Variants in CACTIN observed in about 807,000 individuals in gnomAD.
CACTIN encodes the protein splicing factor Cactin.
Under a neutral mutation model 84.9 loss-of-function variants are expected in CACTIN, and 20 were observed. The ratio of observed to expected loss-of-function variants is 0.24; its 90% CI spans 0.17 to 0.34. The LOEUF is 0.34. CACTIN is among the 10% of genes least tolerant of loss of function. The pLI, the probability that CACTIN is intolerant of heterozygous loss-of-function variation, is 1.00. For synonymous variants in CACTIN, 549 were observed against 467.9 expected (o/e 1.17, Z -2.24); for missense variants, 897 against 1,117.2 (o/e 0.80, Z 2.81).
Position 3,626,593 on chromosome 19 carries a change from C to T in CACTIN, c.167+3G>A. The T allele has an allele frequency of 6.8e-7, 1 of 1,462,000 alleles. No homozygotes were observed. 90.6% of individuals were successfully genotyped at this position (1,462,000 alleles called of 1,614,324 possible). A position where few individuals can be genotyped will look rare whatever the true frequency, so the allele number is the denominator to read the frequency against. On this transcript the variant is annotated splice_donor_region_variant and intron_variant, in intron 1 of 9. Coordinates refer to ENST00000429344, the MANE Select transcript of CACTIN (RefSeq NM_001080543.2). Reference sequence around the variant, plus strand: ...CCCAGCGCTGCTCCCGCAGCGACCCCACCTGCGCTCCCGGCTCCGCCGCCT... The same window carrying T: ...CCCAGCGCTGCTCCCGCAGCGACCCTACCTGCGCTCCCGGCTCCGCCGCCT...
intron 2 of CACTIN, chr19:3,621,164 G>C (rs1411677089): frequency 2.5e-6 from 1 of 395,020 alleles, no homozygotes; most frequent in Non-Finnish European, 4.8e-6. Context: ...CTTTACCCGG[G>C]AGTCTGAGTG....
chr19:3,625,084 G>C (rs943959923), intron 1 of CACTIN, among the ~76,000 whole-genome samples: 11 of 152,086 alleles, frequency 7.2e-5, no homozygotes, highest in African/African-American at 2.4e-4. Context: ...GTACAGAGGG[G>C]TCTTGCTATG....
In CACTIN at chr19:3,613,097, G is replaced by T; in HGVS notation, c.1747C>A (p.Gln583Lys). Residue 583 changes from glutamine (Q) to lysine (K), a missense_variant, in exon 9 of 10, where the codon CAG becomes AAG. By Grantham distance (53) the Gln-to-Lys change is moderately conservative. Coordinates refer to ENST00000429344, the MANE Select transcript of CACTIN (RefSeq NM_001080543.2). ...AHVLEPDEDL[Q>K]RLQLSRQQLQ... ...TGCTGGCGCGAGAGCTGCAGGCGCT[G>T]CAGGTCCTCATCCGGTTCCAGCACG... is the stretch of plus-strand genomic sequence containing the variant. 1 of 1,596,346 alleles carries T rather than the reference G, an allele frequency of 6.3e-7. No individual in the cohort carries two copies. Among genetic ancestry groups the T allele is most frequent in the Non-Finnish European group, 8.5e-7 (1 of 1,175,834 alleles).
chr19:3,611,870 G>C lies in CACTIN; in HGVS notation c.*53C>G. ...CCCCGGAGTGACCACCAGCTTCACC[G>C]AAGCCCCTTTACTGTGCCCCCGAGG... On this transcript the variant is annotated 3_prime_UTR_variant, in exon 10 of 10. Transcript: ENST00000429344. 1 of 1,593,542 alleles carries C rather than the reference G, an allele frequency of 6.3e-7. No individual in the cohort carries two copies. Among genetic ancestry groups the C allele is most frequent in the Non-Finnish European group, 8.5e-7 (1 of 1,173,602 alleles).
chr19:3,619,027 C>T, intron 5 of CACTIN, 38 bp from the exon 6 acceptor site: 1 of 1,548,690 alleles, frequency 6.5e-7, no homozygotes, highest in Non-Finnish European at 8.7e-7. Context: ...ACGGGTGTGG[C>T]TGGGGTGGGG....
intron 6 of CACTIN, among the ~76,000 whole-genome samples, chr19:3,616,903 C>G (rs867493236): frequency 1.1e-4 from 16 of 152,196 alleles, no homozygotes; most frequent in African/African-American, 2.9e-4. Flanking sequence ...GTGGGAGGAT[C>G]ATGAGGTCAA....
chr19:3,619,166 C>T lies in CACTIN; in HGVS notation c.961G>A (p.Asp321Asn), dbSNP rs763944157. ...LAKYISAEDD[D>N]LAVEMHEPYT... ...GGCTCATGCATCTCCACGGCCAGATCGTCATCCTCAGCGCTGATGTACTTG... is the reference window on the plus strand; with the variant it reads ...GGCTCATGCATCTCCACGGCCAGATTGTCATCCTCAGCGCTGATGTACTTG... Residue 321 changes from aspartate (D) to asparagine (N), a missense_variant, in exon 5 of 10, where the codon GAT becomes AAT. Asp to Asn is a conservative substitution (Grantham distance 23). Transcript: ENST00000429344. The T allele has an allele frequency of 9.3e-6, 15 of 1,612,294 alleles. No homozygotes were observed. Among genetic ancestry groups the T allele is most frequent in the East Asian group, 8.9e-5 (4 of 44,838 alleles).
chr19:3,624,899 A>G (rs1334227158), intron 1 of CACTIN, among the ~76,000 whole-genome samples: 1 of 152,070 alleles, frequency 6.6e-6, no homozygotes, highest in African/African-American at 2.4e-5. Context: ...GACAAGGTCT[A>G]TATTTTTATT....
chr19:3,622,509 T>G (rs2033245230), intron 2 of CACTIN, among the ~76,000 whole-genome samples: 1 of 151,594 alleles, frequency 6.6e-6, no homozygotes, highest in African/African-American at 2.4e-5. Context: ...CAGAAGGCCG[T>G]ATGGAGACAG....
Position 3,614,606 on chromosome 19 carries a change from G to A in CACTIN, c.1163-17C>T. The A allele has an allele frequency of 1.3e-6, 2 of 1,579,558 alleles. No homozygotes were observed. Among genetic ancestry groups the A allele is most frequent in the Admixed American group, 1.8e-5 (1 of 55,166 alleles). ...GGCGCTCACCTGCAGCGGGGTGGGG[G>A]CATGGGGGGGCGGTTCCACATTTCC... On this transcript the variant is annotated splice_polypyrimidine_tract_variant and intron_variant, in intron 6 of 9. Coordinates refer to ENST00000429344, the MANE Select transcript of CACTIN (RefSeq NM_001080543.2).
intron 2 of CACTIN, chr19:3,621,141 G>T (rs1232155507): frequency 2.1e-5 from 9 of 427,610 alleles, no homozygotes; most frequent in Non-Finnish European, 3.5e-5. Flanking sequence ...CTTGCTCGGG[G>T]CCTGCTGACT....
chr19:3,614,729 C>A, intron 6 of CACTIN, 140 bp from the exon 7 acceptor site: 2 of 688,562 alleles, frequency 2.9e-6, no homozygotes, highest in Admixed American at 4.3e-5. Flanking sequence ...GTCCCGCCAC[C>A]TCCCTGGTCT....
rs570616973 is a variant in CACTIN, at chr19:3,611,623, G to A, written c.*300C>T. ...GGAGAGTGTCCGCCTGGACGGTGAGGTCAGCTGGCGGCTGCTGGCCACCCT... is the reference window on the plus strand; with the variant it reads ...GGAGAGTGTCCGCCTGGACGGTGAGATCAGCTGGCGGCTGCTGGCCACCCT... On this transcript the variant is annotated 3_prime_UTR_variant, in exon 10 of 10. Coordinates refer to ENST00000429344, the MANE Select transcript of CACTIN (RefSeq NM_001080543.2). 1.4e-5 allele frequency: 6 copies of A among 438,302 alleles called. No homozygotes were observed. In the East Asian group the frequency reaches 2.4e-4, roughly 18 times the overall value. The allele number at this position is 438,302 out of a possible 1,614,324, so 27.2% of individuals were successfully genotyped here.
chr19:3,618,602 C>T (rs2033156473), intron 6 of CACTIN, among the ~76,000 whole-genome samples: 1 of 152,238 alleles, frequency 6.6e-6, no homozygotes, highest in Non-Finnish European at 1.5e-5. Flanking sequence ...CCCCGTGGCT[C>T]CCATAAGGCC....
chr19:3,613,000 G>A (rs2033003900), intron 9 of CACTIN, 58 bp downstream of exon 9: 1 of 1,490,922 alleles, frequency 6.7e-7, no homozygotes, highest in Non-Finnish European at 8.9e-7. Flanking sequence ...GGCTGGAGAA[G>A]CCCCGCCCCC....
chr19:3,613,029 CA>C, intron 9 of CACTIN, 28 bp downstream of exon 9: 1 of 1,488,536 alleles, frequency 6.7e-7, no homozygotes, highest in Non-Finnish European at 8.9e-7. Context: ...CCACTGGCCC[CA>C]CCCCCTGGCC....
chr19:3,623,971 G>A lies in CACTIN; in HGVS notation c.359C>T (p.Ser120Phe). The change falls in exon 2 of 10, where the codon TCT becomes TTT. Residue 120 changes from serine to phenylalanine, a missense_variant. By Grantham distance (155) the Ser-to-Phe change is radical. This residue lies in a region of CACTIN where 261 missense variants were observed against 243.8 expected (regional missense o/e 1.07). Transcript: ENST00000429344. ...CCGGGGGCTCTGGGATCGCCCTGGA[G>A]ACGCGGAGCTGGATGCTGAGGAGCT... is the stretch of plus-strand genomic sequence containing the variant. ...SPSSSASSSA[S>F]PGRSQSPRAA... 1 of 1,603,800 alleles carries A rather than the reference G, an allele frequency of 6.2e-7. No individual in the cohort carries two copies. The highest frequency in any genetic ancestry group is 8.5e-7 in the Non-Finnish European group (1 of 1,178,646).
In CACTIN at chr19:3,611,927, C is replaced by T; in HGVS notation, c.2273G>A (p.Arg758Gln). The T allele has an allele frequency of 6.2e-7, 1 of 1,612,806 alleles. No individual in the cohort carries two copies. The highest frequency in any genetic ancestry group is 8.5e-7 in the Non-Finnish European group (1 of 1,179,724). Residue 758 changes from arginine to glutamine, a missense_variant, in exon 10 of 10, where the codon CGG (arginine) becomes CAG (glutamine). By Grantham distance (43) the Arg-to-Gln change is conservative (BLOSUM62 1). Coordinates refer to ENST00000429344, the MANE Select transcript of CACTIN (RefSeq NM_001080543.2). Reference protein sequence around the residue: ...WFHFKRYRYRR With the variant: ...WFHFKRYRYRQ ...GCCTGCCGTTCCCCAGGGCCGTCAC[C>T]GCCGATAGCGGTAGCGCTTGAAGTG...
intron 4 of CACTIN, 31 bp from the exon 5 acceptor site, chr19:3,619,273 G>A: frequency 6.2e-7 from 1 of 1,604,864 alleles, no homozygotes; most frequent in Non-Finnish European, 8.5e-7. Flanking sequence ...TGGCATCAGA[G>A]CCTGGGCTGT....
Sources: gnomAD v4.1 joint callset for allele counts (sites outside exome capture counted in the v4.1 genomes callset) on GRCh38, gnomAD v4.1.1 for gene constraint, gnomAD v4.1.1 regional missense constraint, MANE v1.5 for transcripts, NCBI Gene and HGNC (gene_info 2026-07-23, HGNC 2026-07-21) for gene names.